The following ZNF385D variants were observed in gnomAD, a reference collection of about 807,000 sequenced individuals.
The protein encoded by ZNF385D is zinc finger protein 659.
Under a neutral mutation model 35.8 loss-of-function variants are expected in ZNF385D, and 15 were observed. The observed-to-expected ratio is 0.42, with a 90% CI of 0.28 to 0.64. The LOEUF (loss-of-function observed/expected upper bound fraction) is 0.64, where lower values mean the gene tolerates loss of function less well. Ranked by LOEUF, ZNF385D falls within the 30% of genes least tolerant of loss-of-function variation. The pLI, the probability that ZNF385D is intolerant of heterozygous loss-of-function variation, is 0.23. For synonymous variants in ZNF385D, 212 were observed against 186.8 expected (o/e 1.13, Z -1.10); for missense variants, 474 against 494.6 (o/e 0.96, Z 0.39).
intron 2 of ZNF385D, among the ~76,000 whole-genome samples, chr3:22,291,621 G>A (rs1462472669): frequency 1.3e-5 from 2 of 151,944 alleles, no homozygotes; most frequent in African/African-American, 4.8e-5. Context: ...TTAAAGAAGT[G>A]TAATAATTTT....
intron 2 of ZNF385D, among the ~76,000 whole-genome samples, chr3:22,334,877 T>A (rs2125466872): frequency 6.6e-6 from 1 of 152,264 alleles, no homozygotes; most frequent in South Asian, 2.1e-4. Context: ...TCCTGCTGAT[T>A]TCTTCAAATA....
At chr3:22,057,829 C>T (rs1021261257) in intron 3 of ZNF385D, among the ~76,000 whole-genome samples, 14 of 151,966 alleles carry the variant, frequency 9.2e-5, no homozygotes, top group Non-Finnish European at 1.9e-4. Flanking sequence ...TTTTTAAAAC[C>T]CAATTTACTT....
chr3:21,913,020 G>C (rs1253502241), intron 3 of ZNF385D, among the ~76,000 whole-genome samples: 5 of 151,976 alleles, frequency 3.3e-5, no homozygotes, highest in Non-Finnish European at 7.4e-5. Context: ...TTTCTGGATG[G>C]GATTCTCACT....
chr3:21,751,181 T>G lies in ZNF385D; in HGVS notation c.-265A>C. ...ACTGTAATCCGACTCCTCCTTGCGA[T>G]GTCCTTGCCGCGCCTGTGACATCAG... On this transcript the variant is annotated 5_prime_UTR_variant, in exon 1 of 8. Coordinates refer to ENST00000281523, the MANE Select transcript of ZNF385D (RefSeq NM_024697.3). 1 of 1,385,674 alleles carries G rather than the reference T, an allele frequency of 7.2e-7. No homozygotes were observed. The highest frequency in any genetic ancestry group is 1.5e-5 in the South Asian group (1 of 65,318). 85.8% of individuals were successfully genotyped at this position (1,385,674 alleles called of 1,614,324 possible). A position where few individuals can be genotyped will look rare whatever the true frequency, so the allele number is the denominator to read the frequency against.
intron 3 of ZNF385D, among the ~76,000 whole-genome samples, chr3:21,516,728 A>G (rs1405213785): frequency 6.6e-6 from 1 of 152,136 alleles, no homozygotes; most frequent in Non-Finnish European, 1.5e-5. Flanking sequence ...GTGCATGCAT[A>G]CCTGAGTTAT....
intron 4 of ZNF385D, among the ~76,000 whole-genome samples, chr3:21,499,579 C>T (rs1038383497): frequency 6.6e-6 from 1 of 151,230 alleles, no homozygotes; most frequent in African/African-American, 2.4e-5. Context: ...AACCCTGTGA[C>T]ATGCAATTTA....
At chr3:21,711,790 G>T (rs1485185783) in intron 1 of ZNF385D, among the ~76,000 whole-genome samples, 4 of 152,192 alleles carry the variant, frequency 2.6e-5, no homozygotes, top group Non-Finnish European at 1.5e-5. Flanking sequence ...CTGTGGGAAA[G>T]AATTCTGAGA....
intron 3 of ZNF385D, among the ~76,000 whole-genome samples, chr3:21,862,932 C>T (rs1163715264): frequency 4.6e-5 from 7 of 152,154 alleles, no homozygotes; most frequent in Non-Finnish European, 8.8e-5. Flanking sequence ...TGTCATCCTA[C>T]ATCCCACTCC....
At chr3:22,003,660 T>G (rs1696000645) in intron 3 of ZNF385D, among the ~76,000 whole-genome samples, 1 of 151,950 alleles carries the variant, frequency 6.6e-6, no homozygotes, top group African/African-American at 2.4e-5. Context: ...TGAGGCCAGG[T>G]GTTCGAGACC....
intron 4 of ZNF385D, among the ~76,000 whole-genome samples, chr3:21,446,361 T>C (rs1415516780): frequency 6.6e-6 from 1 of 152,064 alleles, no homozygotes; most frequent in Admixed American, 6.6e-5. Flanking sequence ...TCCTGCGACA[T>C]GGGACTTTCA....
intron 1 of ZNF385D, among the ~76,000 whole-genome samples, chr3:21,687,845 T>G (rs1314634890): frequency 6.6e-6 from 1 of 152,158 alleles, no homozygotes; most frequent in Non-Finnish European, 1.5e-5. Flanking sequence ...AATAGCTGAA[T>G]GGCTTAATAA....
chr3:21,709,538 T>G (rs2068025997), intron 1 of ZNF385D, among the ~76,000 whole-genome samples: 1 of 152,124 alleles, frequency 6.6e-6, no homozygotes, highest in African/African-American at 2.4e-5. Flanking sequence ...TTAGCCTCCT[T>G]GTCTACTCTT....
Position 22,090,120 on chromosome 3 carries a change from G to A in ZNF385D, c.325+78697C>T, listed in dbSNP as rs1406797672. 2.0e-5 allele frequency among the ~76,000 whole-genome samples: 3 copies of A among 152,254 alleles called. No individual in the cohort carries two copies. In the South Asian group the frequency reaches 6.2e-4, roughly 32 times the overall value. On this transcript the variant is annotated intron_variant, in intron 3 of 5. Transcript: ENST00000494108. ...CCCAAAGTGCTGATATTGCAGGCGT[G>A]AGCCACAGCACCCAGCTTGTAATTA...
At chr3:22,119,798 A>T (rs1285910308) in intron 3 of ZNF385D, among the ~76,000 whole-genome samples, 1 of 151,556 alleles carries the variant, frequency 6.6e-6, no homozygotes, top group East Asian at 1.9e-4. Flanking sequence ...ATGAGCTTTT[A>T]CTAGTGAGTA....
At chr3:21,941,006 T>A (rs1427302352) in intron 3 of ZNF385D, among the ~76,000 whole-genome samples, 2 of 152,176 alleles carry the variant, frequency 1.3e-5, no homozygotes, top group African/African-American at 2.4e-5. Context: ...TTGAAACCGA[T>A]AACTAATAAA....
At chr3:21,453,187 G>C (rs1479956342) in intron 4 of ZNF385D, among the ~76,000 whole-genome samples, 1 of 150,002 alleles carries the variant, frequency 6.7e-6, no homozygotes, top group Admixed American at 6.6e-5. Flanking sequence ...AAAAAATGAA[G>C]TTGGACCCCT....
intron 3 of ZNF385D, among the ~76,000 whole-genome samples, chr3:22,094,503 A>T (rs1701511733): frequency 6.7e-6 from 1 of 150,326 alleles, no homozygotes; most frequent in African/African-American, 2.4e-5. Context: ...CCCATGAAAT[A>T]GAAAAGAAAG....
chr3:22,062,485 T>C (rs1699743060), intron 3 of ZNF385D, among the ~76,000 whole-genome samples: 1 of 152,240 alleles, frequency 6.6e-6, no homozygotes, highest in South Asian at 2.1e-4. Context: ...GACTTGCTTC[T>C]TGCAGCAATC....
chr3:22,126,712 C>A lies in ZNF385D; in HGVS notation c.325+42105G>T, dbSNP rs114480485. ...TATTAGGTCCATTTGGTCTATGGAG[C>A]AGATTAGTTATAATATCTCTTTGTT... On this transcript the variant is annotated intron_variant, in intron 3 of 5. Transcript: ENST00000494108. 8.1e-3 allele frequency among the ~76,000 whole-genome samples: 1,227 copies of A among 152,192 alleles called. 13 individuals are homozygous for A. The highest frequency in any genetic ancestry group is 0.028 in the African/African-American group (1,156 of 41,546).
Sources: allele counts gnomAD v4.1 joint callset (sites outside exome capture counted in the v4.1 genomes callset), GRCh38; gene constraint gnomAD v4.1.1; transcripts MANE v1.5; gene names NCBI Gene and HGNC (gene_info 2026-07-23, HGNC 2026-07-21).